Variants in CD109 observed in about 807,000 individuals in gnomAD.
The protein encoded by CD109 is CD109 antigen.
Under a neutral mutation model 165.8 loss-of-function variants are expected in CD109, and 149 were observed. That is an observed-to-expected ratio of 0.90 (90% confidence interval 0.79 to 1.03). The LOEUF (loss-of-function observed/expected upper bound fraction) is 1.03, where lower values mean the gene tolerates loss of function less well. CD109 is among the 50% of genes least tolerant of loss of function. The pLI is 0.00. For missense variants in CD109, 1,712 were observed against 1,677.8 expected, an observed-to-expected ratio of 1.02 and a Z score of -0.36; for synonymous variants, 585 against 592.1, an observed-to-expected ratio of 0.99 and a Z score of 0.18.
intron 4 of CD109, among the ~76,000 whole-genome samples, chr6:73,732,216 G>A (rs904301040): frequency 3.9e-5 from 6 of 152,288 alleles, no homozygotes; most frequent in Admixed American, 3.9e-4. Flanking sequence ...GAATAACATA[G>A]TGTGGAAGGT....
upstream of CD109, among the ~76,000 whole-genome samples, chr6:73,693,614 C>T (rs1582018122): frequency 6.6e-6 from 1 of 152,282 alleles, no homozygotes; most frequent in South Asian, 2.1e-4. Flanking sequence ...GCAGTGGCAC[C>T]ATCTTGGCTC....
intron 16 of CD109, among the ~76,000 whole-genome samples, chr6:73,780,733 CTTTA>C (rs1774452002): frequency 1.7e-5 from 2 of 117,864 alleles, no homozygotes; most frequent in Non-Finnish European, 3.5e-5. Context: ...ATAATTTTTC[CTTTA>C]TGTATATGTA....
At chr6:73,775,211 A>G (rs1450457690) in intron 15 of CD109, among the ~76,000 whole-genome samples, 1 of 152,024 alleles carries the variant, frequency 6.6e-6, no homozygotes, top group Non-Finnish European at 1.5e-5. Flanking sequence ...ATATATGTAT[A>G]TATGAGGTTA....
At chr6:73,690,478 C>A in the CD109 span, among the ~76,000 whole-genome samples, 3 of 151,900 alleles carry the variant, frequency 2.0e-5, no homozygotes, top group Non-Finnish European at 4.4e-5. Context: ...CTCGGCTCAC[C>A]GCAACCTCCG....
At chr6:73,807,381 GAA>G (rs1342928596) in intron 25 of CD109, among the ~76,000 whole-genome samples, 1 of 152,288 alleles carries the variant, frequency 6.6e-6, no homozygotes, top group East Asian at 1.9e-4. Context: ...TGAGGGGAAA[GAA>G]AATTATTTAA....
At chr6:73,716,269 A>C (rs1466136450) in intron 2 of CD109, among the ~76,000 whole-genome samples, 1 of 152,096 alleles carries the variant, frequency 6.6e-6, no homozygotes, top group Non-Finnish European at 1.5e-5. Context: ...TGATATACTG[A>C]TTTCCTTTCT....
chr6:73,796,178 T>A (rs997489841), intron 23 of CD109, among the ~76,000 whole-genome samples: 1 of 152,178 alleles, frequency 6.6e-6, no homozygotes, highest in Non-Finnish European at 1.5e-5. Flanking sequence ...TTCAGTACAT[T>A]CTCCATATAA....
At chr6:73,689,728 G>A in the CD109 span, among the ~76,000 whole-genome samples, 2 of 151,694 alleles carry the variant, frequency 1.3e-5, no homozygotes, top group South Asian at 4.2e-4. Flanking sequence ...CTCTTTTCAA[G>A]TATTAACACC....
intron 5 of CD109, among the ~76,000 whole-genome samples, chr6:73,741,930 C>A (rs1168173578): frequency 6.6e-6 from 1 of 152,176 alleles, no homozygotes; most frequent in Admixed American, 6.5e-5. Flanking sequence ...CTTGGGTTTC[C>A]AAAGTGCTAG....
Position 73,818,454 on chromosome 6 carries a change from G to A in CD109, c.3978G>A (p.Val1326=). The part of the protein sequence containing the change: ...MEVNLLSGFM[V]PSEAISLSET... ...TTAACCTATTAAGTGGCTTTATGGT[G>A]CCTTCAGAAGCAATTTCTCTGAGCG... Residue 1326 remains valine, a synonymous_variant, in exon 31 of 33, where the codon GTG becomes GTA. Transcript: ENST00000287097. The A allele has an allele frequency of 6.2e-7, 1 of 1,613,668 alleles. No homozygotes were observed. Among genetic ancestry groups the A allele is most frequent in the Non-Finnish European group, 8.5e-7 (1 of 1,179,864 alleles).
At chr6:73,742,174 C>T (rs1359776943) in intron 5 of CD109, among the ~76,000 whole-genome samples, 4 of 151,570 alleles carry the variant, frequency 2.6e-5, no homozygotes, top group South Asian at 2.1e-4. Flanking sequence ...AATAACTCTC[C>T]ATTCCCTCCC....
At chr6:73,701,761 T>C (rs1771090588) in intron 2 of CD109, among the ~76,000 whole-genome samples, 1 of 152,162 alleles carries the variant, frequency 6.6e-6, no homozygotes, top group Non-Finnish European at 1.5e-5. Context: ...TTCATCATCA[T>C]TAGTTTCATG....
chr6:73,790,017 G>A (rs1437092752), intron 22 of CD109, among the ~76,000 whole-genome samples: 1 of 150,796 alleles, frequency 6.6e-6, no homozygotes, highest in East Asian at 2.0e-4. Flanking sequence ...TTACAGGTGT[G>A]AGCCATGGCA....
chr6:73,790,549 A>G (rs1774887626), intron 22 of CD109, among the ~76,000 whole-genome samples: 1 of 152,178 alleles, frequency 6.6e-6, no homozygotes, highest in Non-Finnish European at 1.5e-5. Flanking sequence ...GAGAAGTCCC[A>G]TGATCTGCTT....
chr6:73,762,509 T>A, intron 8 of CD109, 29 bp downstream of exon 8: 2 of 1,372,180 alleles, frequency 1.5e-6, no homozygotes, highest in African/African-American at 1.4e-5. Flanking sequence ...TTATAACTTG[T>A]GATGGGTAAA....
At chr6:73,682,384 G>C in the CD109 span, among the ~76,000 whole-genome samples, 1 of 152,204 alleles carries the variant, frequency 6.6e-6, no homozygotes, top group Non-Finnish European at 1.5e-5. Flanking sequence ...TAAAAGTTCA[G>C]AATGATTTCC....
intron 32 of CD109, among the ~76,000 whole-genome samples, 188 bp from the exon 33 acceptor site, chr6:73,823,270 T>C (rs1324159937): frequency 2.6e-5 from 4 of 152,256 alleles, no homozygotes; most frequent in Non-Finnish European, 5.9e-5. Context: ...AGCGCATTGT[T>C]TCTCTCTTGG....
intron 16 of CD109, among the ~76,000 whole-genome samples, chr6:73,781,014 T>G (rs1774471532): frequency 6.6e-6 from 1 of 150,568 alleles, no homozygotes; most frequent in Admixed American, 6.7e-5. Flanking sequence ...TGCGTGTGTG[T>G]GTGTGTTTGA....
At chr6:73,805,389 G>A (rs1004357355) in intron 24 of CD109, among the ~76,000 whole-genome samples, 12 of 152,158 alleles carry the variant, frequency 7.9e-5, no homozygotes, top group South Asian at 2.1e-4. Flanking sequence ...ATTGCTGCCC[G>A]CATGTCCCAC....
Sources: allele counts gnomAD v4.1 joint callset (sites outside exome capture counted in the v4.1 genomes callset), GRCh38; gene constraint gnomAD v4.1.1; transcripts MANE v1.5; gene names NCBI Gene and HGNC (gene_info 2026-07-23, HGNC 2026-07-21).